ARHGAP6: variants seen among roughly 807,000 people sequenced by gnomAD.
The protein encoded by ARHGAP6 is Rho GTPase activating protein 6.
Under a neutral mutation model 55.7 loss-of-function variants are expected in ARHGAP6, and 16 were observed. That is an observed-to-expected ratio of 0.29 (90% confidence interval 0.19 to 0.44). The LOEUF is 0.44. ARHGAP6 is among the 20% of genes least tolerant of loss of function. ARHGAP6 has a pLI of 1.00. For missense variants in ARHGAP6, 698 were observed against 808.9 expected (o/e 0.86, Z 1.66); for synonymous variants, 382 against 360.9 (o/e 1.06, Z -0.66).
At chrX:11,568,363 T>C (rs1032512002) in intron 1 of ARHGAP6, among the ~76,000 whole-genome samples, 2 of 112,767 alleles carry the variant, frequency 1.8e-5, no homozygotes, top group Non-Finnish European at 3.7e-5. Context: ...AATTATTTAA[T>C]TCCTTATTTC....
At chrX:11,158,422 C>T in intron 9 of ARHGAP6, among the ~76,000 whole-genome samples, 1 of 112,018 alleles carries the variant, frequency 8.9e-6, no homozygotes, top group Non-Finnish European at 1.9e-5. Flanking sequence ...ATGTCTGAAG[C>T]CATATTTGCT....
chrX:11,443,891 G>A (rs1386422740), intron 1 of ARHGAP6, among the ~76,000 whole-genome samples: 1 of 111,190 alleles, frequency 9.0e-6, no homozygotes. Flanking sequence ...TTGTGCCACC[G>A]CACTCCAGCC....
At chrX:11,302,687 A>G (rs1337669578) in intron 1 of ARHGAP6, among the ~76,000 whole-genome samples, 2 of 111,563 alleles carry the variant, frequency 1.8e-5, no homozygotes, top group African/African-American at 6.5e-5. Flanking sequence ...ACACATGTGG[A>G]GACATGTGCC....
intron 1 of ARHGAP6, among the ~76,000 whole-genome samples, chrX:11,304,562 A>G (rs5979398): frequency 0.19 from 20,510 of 108,732 alleles, 1,578 homozygotes; most frequent in Middle Eastern, 0.29. Context: ...TGAGGGTAAC[A>G]GGAGAGCAAC....
chrX:11,586,804 C>A (rs758704280), intron 1 of ARHGAP6, among the ~76,000 whole-genome samples: 4 of 112,039 alleles, frequency 3.6e-5, no homozygotes, highest in East Asian at 2.8e-4. Flanking sequence ...TATCCATGAG[C>A]ATAGAATGTT....
chrX:11,558,784 C>T (rs969602995), intron 1 of ARHGAP6, among the ~76,000 whole-genome samples: 2 of 86,284 alleles, frequency 2.3e-5, no homozygotes, highest in South Asian at 1.3e-3. Context: ...CGCAGTGAGC[C>T]GAGATCATGC....
intron 1 of ARHGAP6, among the ~76,000 whole-genome samples, chrX:11,636,386 T>G (rs1260737310): frequency 9.0e-6 from 1 of 111,640 alleles, no homozygotes; most frequent in East Asian, 2.8e-4. Context: ...TGTTTTAATA[T>G]TTTTACTGTC....
rs767713813 is a variant in ARHGAP6 at position 11,281,431 on chromosome X, T to C, written c.589-26724A>G. On this transcript the variant is annotated intron_variant, in intron 1 of 12. Transcript: ENST00000337414. ...ACCAAAATATATATATTAATACTTATATATAATTAATTTTATTATATATTA... is the reference window on the plus strand; with the variant it reads ...ACCAAAATATATATATTAATACTTACATATAATTAATTTTATTATATATTA... Among the ~76,000 whole-genome samples, 77 of 109,262 alleles carry C rather than the reference T, an allele frequency of 7.0e-4. 2 individuals carry two copies. Among genetic ancestry groups the C allele is most frequent in the African/African-American group, 2.5e-3 (75 of 30,402 alleles). 94.9% of individuals were successfully genotyped at this position (109,262 alleles called of 115,157 possible). A position where few individuals can be genotyped will look rare whatever the true frequency, so the allele number is the denominator to read the frequency against.
At chrX:11,247,242 T>C (rs1360757363) in intron 2 of ARHGAP6, among the ~76,000 whole-genome samples, 1 of 112,068 alleles carries the variant, frequency 8.9e-6, no homozygotes, top group Non-Finnish European at 1.9e-5. Flanking sequence ...ATGATACTGT[T>C]TTCAAAATGC....
At chrX:11,230,722 A>G (rs73184325) in intron 2 of ARHGAP6, among the ~76,000 whole-genome samples, 16,964 of 109,293 alleles carry the variant, frequency 0.16, 1,036 homozygotes, top group Middle Eastern at 0.22. Flanking sequence ...TAATATGCAT[A>G]TATATATGCA....
intron 1 of ARHGAP6, among the ~76,000 whole-genome samples, chrX:11,297,944 T>A (rs1356808109): frequency 8.9e-6 from 1 of 112,596 alleles, no homozygotes; most frequent in African/African-American, 3.2e-5. Context: ...AGTTAATGAA[T>A]CTCTTTAACT....
chrX:11,651,175 G>A (rs756922398), intron 1 of ARHGAP6, among the ~76,000 whole-genome samples: 1 of 111,499 alleles, frequency 9.0e-6, no homozygotes, highest in Non-Finnish European at 1.9e-5. Flanking sequence ...ACATGTGCAA[G>A]TTTGTTACAT....
chrX:11,321,238 A>C (rs1222514715), intron 1 of ARHGAP6, among the ~76,000 whole-genome samples: 1 of 111,951 alleles, frequency 8.9e-6, no homozygotes, highest in Non-Finnish European at 1.9e-5. Flanking sequence ...TACTGGAAGC[A>C]ACAAAATAGA....
intron 1 of ARHGAP6, among the ~76,000 whole-genome samples, chrX:11,282,528 T>C (rs2047869961): frequency 8.9e-6 from 1 of 112,269 alleles, no homozygotes; most frequent in Non-Finnish European, 1.9e-5. Context: ...TCAGGCAAAG[T>C]TGATAAAACT....
At chrX:11,397,733 A>C (rs1603175853) in intron 1 of ARHGAP6, among the ~76,000 whole-genome samples, 1 of 111,078 alleles carries the variant, frequency 9.0e-6, no homozygotes, top group Non-Finnish European at 1.9e-5. Flanking sequence ...AACACAAAAA[A>C]TTAGCCAGGT....
chrX:11,302,577 T>G (rs185664494), intron 1 of ARHGAP6, among the ~76,000 whole-genome samples: 4 of 111,657 alleles, frequency 3.6e-5, no homozygotes, highest in African/African-American at 1.3e-4. Context: ...TGGTTCAAAC[T>G]AATAGTGCAA....
intron 1 of ARHGAP6, among the ~76,000 whole-genome samples, chrX:11,475,462 C>G (rs1347962471): frequency 2.7e-5 from 3 of 109,556 alleles, no homozygotes; most frequent in Non-Finnish European, 5.7e-5. Flanking sequence ...GTTTCTTTCC[C>G]AATCCAATTA....
At chrX:11,537,384 G>A (rs771104305) in intron 1 of ARHGAP6, among the ~76,000 whole-genome samples, 2 of 111,837 alleles carry the variant, frequency 1.8e-5, no homozygotes, top group East Asian at 5.6e-4. Flanking sequence ...GCTCCTCTCA[G>A]CAAAGAATTA....
In ARHGAP6 at chrX:11,417,536, G is replaced by C. The variant is rs186161921; in HGVS notation, c.589-162829C>G. Among the ~76,000 whole-genome samples, 644 of 111,117 alleles carry C rather than the reference G, an allele frequency of 5.8e-3. 14 individuals carry two copies. Among genetic ancestry groups the C allele is most frequent in the Admixed American group, 0.058 (603 of 10,418 alleles). On this transcript the variant is annotated intron_variant, in intron 1 of 12. Transcript: ENST00000337414. ...TGAGAATCTGTAGTCTAGTTAATAG[G>C]ATTGTCCCAATGTCAGCTTCATGGT...
Sources: gnomAD v4.1 joint callset for allele counts (sites outside exome capture counted in the v4.1 genomes callset) on GRCh38, gnomAD v4.1.1 for gene constraint, MANE v1.5 for transcripts, NCBI Gene and HGNC (gene_info 2026-07-23, HGNC 2026-07-21) for gene names.